The following AGMAT variants were observed in gnomAD, a reference collection of about 807,000 sequenced individuals.
AGMAT encodes the protein guanidino acid hydrolase, mitochondrial.
AGMAT carries 37 observed loss-of-function variants against 29.3 expected under a neutral mutation model. The observed-to-expected ratio is 1.26, with a 90% CI of 0.97 to 1.66. The LOEUF is 1.66. AGMAT is among the 40% of genes most tolerant of loss of function. The probability of loss-of-function intolerance (pLI) is 0.00; values close to 1 mark genes in which losing one functional copy is unlikely to be tolerated. For missense variants in AGMAT, 498 were observed against 497.8 expected (o/e 1.00, Z 0.00); for synonymous variants, 199 against 200.8 (o/e 0.99, Z 0.08).
At chr1:15,573,979 C>A (rs1638996688) in intron 6 of AGMAT, among the ~76,000 whole-genome samples, 1 of 152,168 alleles carries the variant, frequency 6.6e-6, no homozygotes, top group Admixed American at 6.5e-5. Context: ...CAAAGGAGAA[C>A]CTATAATAAT....
At position 15,584,770 on chromosome 1, in the gene AGMAT, G is replaced by A. The variant is rs759336804; in HGVS notation, c.198C>T (p.Thr66=). 1.4e-5 allele frequency: 20 copies of A among 1,379,588 alleles called. No individual in the cohort carries two copies. The highest frequency in any genetic ancestry group is 4.1e-5 in the South Asian group (2 of 48,400). The allele number at this position is 1,379,588 out of a possible 1,614,324, so 85.5% of individuals were successfully genotyped here. The change falls in exon 1 of 7, where the codon ACC becomes ACT. Residue 66 remains threonine (T), a synonymous_variant. Coordinates refer to ENST00000375826, the MANE Select transcript of AGMAT (RefSeq NM_024758.5). ...VCSMMRLPVQ[T]SPEGLDAAFI... ...AGGCAGCGTCCAGCCCCTCGGGGGA[G>A]GTCTGCACCGGCAGGCGCATCATGG... is the stretch of plus-strand genomic sequence containing the variant.
chr1:15,581,258 G>A (rs115214961), intron 2 of AGMAT, among the ~76,000 whole-genome samples: 260 of 151,948 alleles, frequency 1.7e-3, no homozygotes, highest in African/African-American at 5.9e-3. Flanking sequence ...TGGAGTGGAA[G>A]GATCACCTGA....
intron 2 of AGMAT, among the ~76,000 whole-genome samples, chr1:15,581,161 A>G (rs1639108016): frequency 6.6e-6 from 1 of 152,040 alleles, no homozygotes; most frequent in Non-Finnish European, 1.5e-5. Context: ...CCACCTGGGT[A>G]ATACATTAAG....
chr1:15,573,857 C>G, intron 6 of AGMAT, 133 bp from the exon 7 acceptor site: 1 of 674,086 alleles, frequency 1.5e-6, no homozygotes, highest in Non-Finnish European at 2.6e-6. Context: ...TCTAGGGTGC[C>G]CGCCAGCTGT....
At chr1:15,577,994 AT>A in intron 4 of AGMAT, 130 bp from the exon 5 acceptor site, 1 of 884,088 alleles carries the variant, frequency 1.1e-6, no homozygotes, top group Non-Finnish European at 1.7e-6. Flanking sequence ...GAACTATCCT[AT>A]TTTACAGGTG....
chr1:15,575,164 CCCAAGGTGGA>C, intron 5 of AGMAT: 1 of 200,116 alleles, frequency 5.0e-6, no homozygotes, highest in East Asian at 1.2e-4. Context: ...GTAAGGCTTC[CCCAAGGTGGA>C]AATACCCAGT....
At position 15,580,106 on chromosome 1, in the gene AGMAT, G is replaced by T. The variant is rs571947159; in HGVS notation, c.512C>A (p.Ala171Glu). 6.2e-7 allele frequency: 1 copy of T among 1,613,514 alleles called. No homozygotes were observed. Among genetic ancestry groups the T allele is most frequent in the South Asian group, 1.1e-5 (1 of 91,040 alleles). Residue 171 changes from alanine (A) to glutamate (E), a missense_variant, in exon 3 of 7, where the codon GCG becomes GAG. Coordinates refer to ENST00000375826, the MANE Select transcript of AGMAT (RefSeq NM_024758.5). ...DHTITYPILQ[A>E]MAKKHGPVGL... ...ATTTGAGACTTACTTTTTTGCCATC[G>T]CTTGCAATATGGGATATGTGATTGT...
chr1:15,573,686 T>G lies in AGMAT; in HGVS notation c.1024A>C (p.Met342Leu). The change falls in exon 7 of 7, where the codon ATG becomes CTG. Residue 342 changes from methionine (M) to leucine (L), a missense_variant. By Grantham distance (15) the Met-to-Leu change is conservative. Coordinates refer to ENST00000375826, the MANE Select transcript of AGMAT (RefSeq NM_024758.5). ...GTCACTTTGGGGAGAGCACATAGCA[T>G]CTCAAACAGCAGGTTAGCCGCCAGC... ...ALLAANLLFEMLCALPKVTTV is the reference protein window; with the variant it reads ...ALLAANLLFELLCALPKVTTV 6.2e-7 allele frequency: 1 copy of G among 1,614,196 alleles called. No homozygotes were observed. Among genetic ancestry groups the G allele is most frequent in the South Asian group, 1.1e-5 (1 of 91,090 alleles).
chr1:15,579,963 A>T, intron 3 of AGMAT, 131 bp downstream of exon 3: 1 of 831,346 alleles, frequency 1.2e-6, no homozygotes. Context: ...GCTCAACCTT[A>T]ATTTTGATCC....
intron 2 of AGMAT, among the ~76,000 whole-genome samples, chr1:15,580,951 G>A (rs1570942924): frequency 6.6e-6 from 1 of 152,032 alleles, no homozygotes; most frequent in South Asian, 2.1e-4. Context: ...CTCCAGCCTA[G>A]GCAACAAGGG....
At chr1:15,573,798 T>A in intron 6 of AGMAT, 74 bp from the exon 7 acceptor site, 8 of 1,325,154 alleles carry the variant, frequency 6.0e-6, no homozygotes, top group Non-Finnish European at 8.6e-6. Context: ...CTCCTCAGCT[T>A]TCTCTTCCCC....
At chr1:15,579,800 G>A (rs1356370597) in intron 3 of AGMAT, among the ~76,000 whole-genome samples, 1 of 152,206 alleles carries the variant, frequency 6.6e-6, no homozygotes, top group Non-Finnish European at 1.5e-5. Context: ...CTGAGGTTGT[G>A]TATTTCACTA....
chr1:15,577,976 TG>T, intron 4 of AGMAT, 112 bp from the exon 5 acceptor site: 2 of 1,025,148 alleles, frequency 2.0e-6, no homozygotes, highest in Non-Finnish European at 2.8e-6. Context: ...TCCATCTCCA[TG>T]AAGAGGGAAC....
At position 15,578,991 on chromosome 1, in the gene AGMAT, T is replaced by TC; in HGVS notation, c.587dup (p.Glu197ArgfsTer15). The TC allele has an allele frequency of 6.2e-7, 1 of 1,614,140 alleles. No individual in the cohort carries two copies. The highest frequency in any genetic ancestry group is 8.5e-7 in the Non-Finnish European group (1 of 1,180,016). On this transcript the variant is annotated frameshift_variant, in exon 4 of 7. Coordinates refer to ENST00000375826, the MANE Select transcript of AGMAT (RefSeq NM_024758.5). LOFTEE classifies it high-confidence loss of function. Reference sequence around the variant, plus strand: ...AGGGCGCCCCGTGGTAGAGCTTCTCTCCTAGGGCCTTGTCGGTCGTGTCCG... The same window carrying TC: ...AGGGCGCCCCGTGGTAGAGCTTCTCTCCCTAGGGCCTTGTCGGTCGTGTCCG...
At chr1:15,573,830 C>A in intron 6 of AGMAT, 106 bp from the exon 7 acceptor site, 1 of 1,015,618 alleles carries the variant, frequency 9.8e-7, no homozygotes, top group Non-Finnish European at 1.5e-6. Context: ...TTTCCAGAGC[C>A]CTGTCTTGTG....
intron 1 of AGMAT, among the ~76,000 whole-genome samples, 190 bp downstream of exon 1, chr1:15,584,506 G>C (rs1472755895): frequency 3.9e-5 from 6 of 152,234 alleles, no homozygotes; most frequent in Admixed American, 6.5e-5. Context: ...CCCATGTTGA[G>C]CCCTGGGGTT....
chr1:15,578,003 G>A, intron 4 of AGMAT, 139 bp from the exon 5 acceptor site: 1 of 827,560 alleles, frequency 1.2e-6, no homozygotes, highest in South Asian at 1.9e-5. Flanking sequence ...TATTTTACAG[G>A]TGAGGAAGGG....
chr1:15,574,378 C>CT (rs1408152074), intron 6 of AGMAT, among the ~76,000 whole-genome samples: 3,541 of 136,550 alleles, frequency 0.026, 57 homozygotes, highest in African/African-American at 0.043. Context: ...AGGGACTCAT[C>CT]TTTTTTTTTT....
In AGMAT at chr1:15,574,747, G is replaced by T; in HGVS notation, c.985+10C>A. 1 of 1,612,014 alleles carries T rather than the reference G, an allele frequency of 6.2e-7. No homozygotes were observed. Among genetic ancestry groups the T allele is most frequent in the Non-Finnish European group, 8.5e-7 (1 of 1,178,338 alleles). On this transcript the variant is annotated intron_variant, in intron 6 of 6. Coordinates refer to ENST00000375826, the MANE Select transcript of AGMAT (RefSeq NM_024758.5). ...GCTGCCCATGGATCTCAGTCTCTTT[G>T]CTTACTCACCAGAAAGATCATACGG...
Sources: allele counts gnomAD v4.1 joint callset (sites outside exome capture counted in the v4.1 genomes callset), GRCh38; gene constraint gnomAD v4.1.1; transcripts MANE v1.5; gene names NCBI Gene and HGNC (gene_info 2026-07-23, HGNC 2026-07-21).